ACER3: variants seen among roughly 807,000 people sequenced by gnomAD.
ACER3 encodes the protein alkCDase 3.
A neutral mutation model predicts 48.9 loss-of-function variants in ACER3; 16 were observed. The ratio of observed to expected loss-of-function variants is 0.33; its 90% confidence interval spans 0.22 to 0.50. The LOEUF is 0.50. Ranked by LOEUF, ACER3 falls within the 20% of genes least tolerant of loss-of-function variation. ACER3 has a pLI of 0.98. For missense variants in ACER3, 227 were observed against 326.0 expected (o/e 0.70, Z 2.34); for synonymous variants, 109 against 107.8 (o/e 1.01, Z -0.07).
chr11:77,020,437 G>A lies in ACER3; in HGVS notation c.*110G>A, dbSNP rs569892031. 1 of 1,273,836 alleles carries A rather than the reference G, an allele frequency of 7.9e-7. No homozygotes were observed. The highest frequency in any genetic ancestry group is 1.1e-6 in the Non-Finnish European group (1 of 911,366). 78.9% of individuals were successfully genotyped at this position (1,273,836 alleles called of 1,614,324 possible). A position where few individuals can be genotyped will look rare whatever the true frequency, so the allele number is the denominator to read the frequency against. ...CAAATATGTCATGACCATCACAGCA[G>A]AGGAGTGACTTTCTGACTAATGCTG... On this transcript the variant is annotated 3_prime_UTR_variant, in exon 11 of 11. Transcript: ENST00000532485.
At chr11:76,993,860 T>C (rs1452372248) in intron 6 of ACER3, among the ~76,000 whole-genome samples, 1 of 152,210 alleles carries the variant, frequency 6.6e-6, no homozygotes, top group Non-Finnish European at 1.5e-5. Flanking sequence ...GAGGCAGAGC[T>C]CAGGCGATAA....
chr11:76,888,827 A>G (rs1221132066), intron 1 of ACER3, among the ~76,000 whole-genome samples: 3 of 152,220 alleles, frequency 2.0e-5, no homozygotes, highest in Non-Finnish European at 4.4e-5. Flanking sequence ...GTTAGCAGCA[A>G]GTCACAGTTT....
chr11:76,994,239 T>TA (rs1314522385), intron 6 of ACER3: 1 of 452,628 alleles, frequency 2.2e-6, no homozygotes. Context: ...TCGTTATTCT[T>TA]ATGCCTCAGC....
intron 2 of ACER3, among the ~76,000 whole-genome samples, chr11:76,930,638 G>A (rs1186210465): frequency 6.6e-6 from 1 of 151,710 alleles, no homozygotes; most frequent in Non-Finnish European, 1.5e-5. Context: ...CTACTTAAAT[G>A]TGTCCCAGAG....
intron 1 of ACER3, among the ~76,000 whole-genome samples, chr11:76,861,516 G>C (rs975803687): frequency 1.3e-5 from 2 of 152,078 alleles, no homozygotes. Flanking sequence ...TCCTAGCTTC[G>C]TCTTTCCCCC....
chr11:76,890,033 T>C (rs1195228129), intron 1 of ACER3, among the ~76,000 whole-genome samples: 2 of 152,220 alleles, frequency 1.3e-5, no homozygotes, highest in Non-Finnish European at 2.9e-5. Flanking sequence ...CTTTTATGGC[T>C]GCATGTTTCC....
At chr11:76,941,253 G>C (rs949780818) in intron 2 of ACER3, among the ~76,000 whole-genome samples, 18 of 152,182 alleles carry the variant, frequency 1.2e-4, no homozygotes, top group African/African-American at 4.1e-4. Flanking sequence ...TTTGTAGAAA[G>C]AAGTGGGAAT....
Position 76,861,091 on chromosome 11 carries a change from C to G in ACER3, c.103+12C>G, listed in dbSNP as rs1944925840. On this transcript the variant is annotated intron_variant, in intron 1 of 10. Transcript: ENST00000532485. Reference sequence around the variant, plus strand: ...CATCGCCGAGTTCTGTGAGTGTGGCCTGAGGAGGGGAGTGGGGGCGAGAGG... The same window carrying G: ...CATCGCCGAGTTCTGTGAGTGTGGCGTGAGGAGGGGAGTGGGGGCGAGAGG... 1.3e-6 allele frequency: 2 copies of G among 1,536,778 alleles called. No homozygotes were observed. The highest frequency in any genetic ancestry group is 2.4e-5 in the South Asian group (2 of 82,776).
At chr11:77,001,418 G>A (rs1378831312) in intron 7 of ACER3, among the ~76,000 whole-genome samples, 3 of 152,118 alleles carry the variant, frequency 2.0e-5, no homozygotes, top group Non-Finnish European at 4.4e-5. Flanking sequence ...ACCATGCCCA[G>A]CTAATTTTTC....
At chr11:76,897,355 A>T (rs953452707) in intron 1 of ACER3, among the ~76,000 whole-genome samples, 2 of 152,182 alleles carry the variant, frequency 1.3e-5, no homozygotes, top group African/African-American at 4.8e-5. Flanking sequence ...GGTTAATTGG[A>T]ATGTGGAATC....
intron 1 of ACER3, among the ~76,000 whole-genome samples, chr11:76,914,884 C>T (rs549458297): frequency 9.9e-5 from 15 of 152,268 alleles, no homozygotes; most frequent in Admixed American, 3.3e-4. Context: ...AGGATGAGTT[C>T]GTGTCCTTTG....
At chr11:76,913,741 A>G (rs1036281480) in intron 1 of ACER3, among the ~76,000 whole-genome samples, 6 of 152,224 alleles carry the variant, frequency 3.9e-5, no homozygotes, top group African/African-American at 1.4e-4. Context: ...CCACATTGCC[A>G]AGTGAATCCT....
At chr11:76,943,222 T>C (rs897252898) in intron 2 of ACER3, among the ~76,000 whole-genome samples, 3 of 152,070 alleles carry the variant, frequency 2.0e-5, no homozygotes, top group African/African-American at 7.2e-5. Context: ...GGTTTGTTCT[T>C]GTTTTTCTAG....
intron 2 of ACER3, among the ~76,000 whole-genome samples, chr11:76,939,489 A>G (rs890287423): frequency 2.0e-5 from 3 of 152,230 alleles, no homozygotes; most frequent in African/African-American, 7.2e-5. Flanking sequence ...TCAACTAGTC[A>G]GAAGGCTGAG....
At chr11:76,998,484 T>G (rs1197241020) in intron 6 of ACER3, 4 of 311,458 alleles carry the variant, frequency 1.3e-5, no homozygotes, top group Non-Finnish European at 5.8e-6. Context: ...TGTTCAGGTT[T>G]CAGCAGATAT....
At chr11:77,013,467 G>A (rs1210830682) in intron 7 of ACER3, among the ~76,000 whole-genome samples, 1 of 152,074 alleles carries the variant, frequency 6.6e-6, no homozygotes, top group Non-Finnish European at 1.5e-5. Flanking sequence ...AAATAACTAC[G>A]TGAAAGATGC....
At chr11:76,957,936 C>CT (rs35745158) in intron 2 of ACER3, among the ~76,000 whole-genome samples, 82,306 of 149,082 alleles carry the variant, frequency 0.55, 25,720 homozygotes, top group Non-Finnish European at 0.72. Context: ...AACACAGAAT[C>CT]TTTTTATTTT....
intron 10 of ACER3, 83 bp downstream of exon 10, chr11:77,019,859 G>T: frequency 7.1e-7 from 1 of 1,414,100 alleles, no homozygotes; most frequent in Non-Finnish European, 1.0e-6. Flanking sequence ...AGAAAGGGGA[G>T]TTTGGAGAGG....
chr11:76,884,938 G>A (rs1405889880), intron 1 of ACER3, among the ~76,000 whole-genome samples: 1 of 151,668 alleles, frequency 6.6e-6, no homozygotes, highest in Admixed American at 6.6e-5. Context: ...TAATTTTTTT[G>A]TATTTTTAGT....
Sources: allele counts gnomAD v4.1 joint callset (sites outside exome capture counted in the v4.1 genomes callset), GRCh38; gene constraint gnomAD v4.1.1; transcripts MANE v1.5; gene names NCBI Gene and HGNC (gene_info 2026-07-23, HGNC 2026-07-21).